FAT3: variants seen among roughly 807,000 people sequenced by gnomAD.
FAT3 encodes FAT atypical cadherin 3.
In FAT3, 95 loss-of-function variants were observed where a neutral mutation model predicts 310.2. That is an observed-to-expected ratio of 0.31 (90% CI 0.26 to 0.36). FAT3 has a LOEUF of 0.36. FAT3 is among the 10% of genes least tolerant of loss of function. The probability of loss-of-function intolerance (pLI) is 1.00; values close to 1 mark genes in which losing one functional copy is unlikely to be tolerated. For synonymous variants in FAT3, 2,314 were observed against 2,192.9 expected, an observed-to-expected ratio of 1.06 and a Z score of -1.54; for missense variants, 5,408 against 5,715.6, an observed-to-expected ratio of 0.95 and a Z score of 1.74.
In FAT3 at chr11:92,792,626, A is replaced by G. The variant is rs1164723847; in HGVS notation, c.4612-141A>G. 1.3e-5 allele frequency: 9 copies of G among 712,612 alleles called. No homozygotes were observed. In the East Asian group the frequency reaches 2.3e-4, roughly 18 times the overall value. The allele number at this position is 712,612 out of a possible 1,614,324, so 44.1% of individuals were successfully genotyped here. ...TCCTCACTTCATGATACTACCATTT[A>G]CTGAGCACCTACTAGAAGCCTGGAA... On this transcript the variant is annotated intron_variant, in intron 8 of 27. Transcript: ENST00000525166.
chr11:92,803,766 A>G (rs1947429641), intron 10 of FAT3, among the ~76,000 whole-genome samples: 1 of 152,226 alleles, frequency 6.6e-6, no homozygotes, highest in Admixed American at 6.5e-5. Flanking sequence ...ATGTAATGTC[A>G]ATACACATAT....
intron 1 of FAT3, among the ~76,000 whole-genome samples, chr11:92,351,114 AT>A (rs1484704015): frequency 6.6e-6 from 1 of 152,176 alleles, no homozygotes; most frequent in African/African-American, 2.4e-5. Flanking sequence ...AATTGGAAGT[AT>A]CTCTTGTAAT....
At chr11:92,299,839 G>A (rs1417421309) in intron 1 of FAT3, among the ~76,000 whole-genome samples, 1 of 152,100 alleles carries the variant, frequency 6.6e-6, no homozygotes, top group Non-Finnish European at 1.5e-5. Context: ...AGTAGGTTAA[G>A]TTCACTTTTG....
chr11:92,371,120 A>G (rs753302188), intron 2 of FAT3, among the ~76,000 whole-genome samples: 17 of 152,242 alleles, frequency 1.1e-4, no homozygotes, highest in Non-Finnish European at 2.4e-4. Flanking sequence ...GCAGTGGGAA[A>G]TAACCCCGTA....
Position 92,840,555 on chromosome 11 carries a change from TA to T in FAT3, c.10369-6del. 6.3e-7 allele frequency: 1 copy of T among 1,579,028 alleles called. No individual in the cohort carries two copies. The highest frequency in any genetic ancestry group is 8.7e-7 in the Non-Finnish European group (1 of 1,154,260). On this transcript the variant is annotated splice_region_variant and splice_polypyrimidine_tract_variant and intron_variant, in intron 17 of 27. Coordinates refer to ENST00000525166, the MANE Select transcript of FAT3 (RefSeq NM_001367949.2). ...TCTTCATTTTTACTATATACTCTTT[TA>T]TGCAGGAAAATAAGCCAGTGGGCAC...
At chr11:92,529,414 C>T (rs996246368) in intron 3 of FAT3, among the ~76,000 whole-genome samples, 1 of 152,026 alleles carries the variant, frequency 6.6e-6, no homozygotes, top group Non-Finnish European at 1.5e-5. Flanking sequence ...TATTAGAAAG[C>T]GAATTTTAAG....
chr11:92,731,923 T>C (rs1945194223), intron 4 of FAT3, among the ~76,000 whole-genome samples: 1 of 152,210 alleles, frequency 6.6e-6, no homozygotes, highest in Non-Finnish European at 1.5e-5. Flanking sequence ...AATTGCTTAA[T>C]CAATGTTTGT....
intron 2 of FAT3, among the ~76,000 whole-genome samples, chr11:92,391,832 G>C (rs1949757248): frequency 6.6e-6 from 1 of 152,090 alleles, no homozygotes. Context: ...GTCCTTTATG[G>C]AGTTATATTT....
intron 4 of FAT3, among the ~76,000 whole-genome samples, chr11:92,708,466 T>C (rs1241688126): frequency 6.6e-6 from 1 of 152,244 alleles, no homozygotes; most frequent in Non-Finnish European, 1.5e-5. Context: ...CTCCGTCTCT[T>C]TACCTATAAA....
intron 2 of FAT3, among the ~76,000 whole-genome samples, chr11:92,440,876 C>G (rs1422481108): frequency 6.6e-6 from 1 of 152,178 alleles, no homozygotes; most frequent in East Asian, 1.9e-4. Flanking sequence ...TCTGGCTATG[C>G]TATTCACTAG....
At chr11:92,783,118 G>A (rs551591625) in intron 7 of FAT3, among the ~76,000 whole-genome samples, 4 of 152,234 alleles carry the variant, frequency 2.6e-5, no homozygotes, top group East Asian at 1.9e-4. Flanking sequence ...CCAACACTTA[G>A]GGAGGCCAAG....
intron 3 of FAT3, among the ~76,000 whole-genome samples, chr11:92,650,326 C>T (rs1338748253): frequency 6.6e-6 from 1 of 152,052 alleles, no homozygotes; most frequent in Non-Finnish European, 1.5e-5. Flanking sequence ...TGTATTTGTC[C>T]CCTGTATGCT....
Position 92,225,054 on chromosome 11 carries a change from G to A in FAT3, c.-138G>A, listed in dbSNP as rs934181080. On this transcript the variant is annotated 5_prime_UTR_variant, in exon 1 of 28. Transcript: ENST00000525166. Reference sequence around the variant, plus strand: ...GCCTCAGTCCCGGCTAGCGCGCGGTGGGCGCTGCGGCGGCAGCAGCCGGGG... The same window carrying A: ...GCCTCAGTCCCGGCTAGCGCGCGGTAGGCGCTGCGGCGGCAGCAGCCGGGG... 6.6e-6 allele frequency among the ~76,000 whole-genome samples: 1 copy of A among 152,142 alleles called. No individual in the cohort carries two copies. Among genetic ancestry groups the A allele is most frequent in the Non-Finnish European group, 1.5e-5 (1 of 68,020 alleles).
At chr11:92,439,840 C>T (rs1951026847) in intron 2 of FAT3, among the ~76,000 whole-genome samples, 2 of 151,792 alleles carry the variant, frequency 1.3e-5, no homozygotes, top group South Asian at 4.2e-4. Context: ...CACTTGAGCT[C>T]AGGATGTCGA....
At chr11:92,794,299 C>A (rs1038999005) in intron 9 of FAT3, among the ~76,000 whole-genome samples, 7 of 152,266 alleles carry the variant, frequency 4.6e-5, no homozygotes, top group Non-Finnish European at 7.4e-5. Flanking sequence ...TGTCACCTAA[C>A]CCAACAACTC....
chr11:92,834,486 T>C (rs1489408713), intron 14 of FAT3, among the ~76,000 whole-genome samples: 1 of 152,214 alleles, frequency 6.6e-6, no homozygotes, highest in East Asian at 1.9e-4. Flanking sequence ...CATCCCCAAA[T>C]CTCAGCTCAT....
At chr11:92,698,001 A>G (rs551779950) in intron 4 of FAT3, among the ~76,000 whole-genome samples, 1 of 152,266 alleles carries the variant, frequency 6.6e-6, no homozygotes, top group African/African-American at 2.4e-5. Flanking sequence ...AAGCTATGAG[A>G]TGAGAAAATA....
chr11:92,441,509 A>C (rs749656497), intron 2 of FAT3, among the ~76,000 whole-genome samples: 2 of 152,200 alleles, frequency 1.3e-5, no homozygotes, highest in Admixed American at 6.5e-5. Context: ...GCAGATCGGG[A>C]GGGGTGAGTA....
chr11:92,299,921 T>G (rs1045920592), intron 1 of FAT3, among the ~76,000 whole-genome samples: 2 of 152,118 alleles, frequency 1.3e-5, no homozygotes, highest in Admixed American at 1.3e-4. Flanking sequence ...AATCTATCTC[T>G]TCAGCAGGGC....
Sources: gnomAD v4.1 joint callset for allele counts (sites outside exome capture counted in the v4.1 genomes callset) on GRCh38, gnomAD v4.1.1 for gene constraint, MANE v1.5 for transcripts, NCBI Gene and HGNC (gene_info 2026-07-23, HGNC 2026-07-21) for gene names.